The following PPFIBP1 variants were observed in gnomAD, a reference collection of about 807,000 sequenced individuals.
PPFIBP1 encodes the protein PPFIB scaffold protein 1, also known as liprin-beta-1.
Under a neutral mutation model 137.8 loss-of-function variants are expected in PPFIBP1, and 112 were observed. The observed-to-expected ratio is 0.81, with a 90% CI of 0.70 to 0.95. The LOEUF (loss-of-function observed/expected upper bound fraction) is 0.95. Among genes scored for constraint, PPFIBP1 ranks in the 40% least tolerant of loss-of-function variants. PPFIBP1 has a pLI of 0.00. For synonymous variants in PPFIBP1, 378 were observed against 417.3 expected, an observed-to-expected ratio of 0.91 and a Z score of 1.15; for missense variants, 1,083 against 1,196.6, an observed-to-expected ratio of 0.91 and a Z score of 1.40.
Position 27,578,183 on chromosome 12 carries a change from T to G in PPFIBP1, c.-92T>G, listed in dbSNP as rs1229514779. On this transcript the variant is annotated 5_prime_UTR_variant, in exon 2 of 30. Transcript: ENST00000228425. Reference sequence around the variant, plus strand: ...AGAACGTGTGGATCACTTTGCTGAGTACATCCAAGATTTGAAGAACTGAAA... The same window carrying G: ...AGAACGTGTGGATCACTTTGCTGAGGACATCCAAGATTTGAAGAACTGAAA... 3 of 152,174 alleles carry G rather than the reference T, an allele frequency of 2.0e-5. No homozygotes were observed. The highest frequency in any genetic ancestry group is 4.4e-5 in the Non-Finnish European group (3 of 68,026). The allele number at this position is 152,174 out of a possible 1,614,324, so 9.4% of individuals were successfully genotyped here. A position where few individuals can be genotyped will look rare whatever the true frequency, so the allele number is the denominator to read the frequency against.
chr12:27,658,667 C>T, intron 9 of PPFIBP1, 149 bp from the exon 10 acceptor site: 1 of 747,556 alleles, frequency 1.3e-6, no homozygotes, highest in Non-Finnish European at 2.3e-6. Flanking sequence ...ACTACCAATC[C>T]TGCAGTCACA....
intron 19 of PPFIBP1, among the ~76,000 whole-genome samples, chr12:27,679,123 T>C (rs2060731834): frequency 6.6e-6 from 1 of 151,006 alleles, no homozygotes; most frequent in Non-Finnish European, 1.5e-5. Flanking sequence ...TGTAGGAGAG[T>C]GGTCATGTCA....
rs1479245411 is a variant in PPFIBP1 at position 27,526,691 on chromosome 12, C to T, written c.-124+2326C>T. Among the ~76,000 whole-genome samples the T allele has an allele frequency of 3.3e-5, 5 of 151,950 alleles. No homozygotes were observed. The East Asian group carries it at 5.8e-4, about 18-fold the overall frequency. ...TCTACTAAAAATACAAAAAAATTGCCGGGTGTGGTGGTGGGCACCTGTAAT... is the reference window on the plus strand; with the variant it reads ...TCTACTAAAAATACAAAAAAATTGCTGGGTGTGGTGGTGGGCACCTGTAAT... On this transcript the variant is annotated intron_variant, in intron 1 of 29. Coordinates refer to ENST00000228425, the MANE Select transcript of PPFIBP1 (RefSeq NM_003622.4).
chr12:27,546,983 CAG>C lies in PPFIBP1; in HGVS notation c.-124+22621_-124+22622del, dbSNP rs1163734817. On this transcript the variant is annotated intron_variant, in intron 1 of 29. Coordinates refer to ENST00000228425, the MANE Select transcript of PPFIBP1 (RefSeq NM_003622.4). ...CACCACTGTACTCCAGCCTGGGAGA[CAG>C]AGTGAGACCCTGCCTCAAAAAACAA... The C allele has an allele frequency of 5.9e-5, 9 of 152,354 alleles. No individual in the cohort carries two copies. The South Asian group carries it at 1.7e-3, about 28-fold the overall frequency. 9.4% of individuals were successfully genotyped at this position (152,354 alleles called of 1,614,324 possible).
At chr12:27,664,515 C>A in intron 12 of PPFIBP1, 69 bp downstream of exon 12, 4 of 1,081,126 alleles carry the variant, frequency 3.7e-6, no homozygotes, top group Non-Finnish European at 5.6e-6. Flanking sequence ...ACACATTTGG[C>A]CTCAATTTCT....
intron 10 of PPFIBP1, 148 bp from the exon 11 acceptor site, chr12:27,660,736 T>C (rs769949521): frequency 5.9e-6 from 7 of 1,189,404 alleles, no homozygotes; most frequent in Non-Finnish European, 7.9e-6. Context: ...AAAGAGAATA[T>C]GGGTGTTAAA....
intron 2 of PPFIBP1, among the ~76,000 whole-genome samples, chr12:27,585,094 T>C (rs1370785230): frequency 6.6e-6 from 1 of 152,182 alleles, no homozygotes; most frequent in Non-Finnish European, 1.5e-5. Context: ...GACACAGAGG[T>C]TATGTATCAT....
chr12:27,688,775 T>G (rs1425877132), intron 26 of PPFIBP1, among the ~76,000 whole-genome samples: 1 of 152,172 alleles, frequency 6.6e-6, no homozygotes, highest in Non-Finnish European at 1.5e-5. Flanking sequence ...GGCAGAGCAC[T>G]GATATTGGGA....
intron 2 of PPFIBP1, among the ~76,000 whole-genome samples, chr12:27,609,655 T>C (rs569257755): frequency 1.2e-4 from 19 of 152,282 alleles, no homozygotes; most frequent in African/African-American, 4.6e-4. Flanking sequence ...CCCACTGTTT[T>C]TAGGATAATC....
intron 25 of PPFIBP1, 86 bp from the exon 26 acceptor site, chr12:27,688,209 GGTT>G: frequency 7.3e-7 from 1 of 1,370,912 alleles, no homozygotes; most frequent in Non-Finnish European, 9.9e-7. Flanking sequence ...GCATTTAGTG[GGTT>G]GTTGAGTAAC....
In PPFIBP1 at chr12:27,684,370, A is replaced by G. The variant is rs139359429; in HGVS notation, c.2247+1667A>G. Among the ~76,000 whole-genome samples, 589 of 152,234 alleles carry G rather than the reference A, an allele frequency of 3.9e-3. 24 individuals carry two copies. The East Asian group carries it at 0.094, about 24-fold the overall frequency. ...GAGATCCACCTGCCTCGGCCTCCCA[A>G]AGTGCTGGGATTACAGGCGTGAGCC... On this transcript the variant is annotated intron_variant, in intron 24 of 29. Coordinates refer to ENST00000228425, the MANE Select transcript of PPFIBP1 (RefSeq NM_003622.4).
intron 13 of PPFIBP1, among the ~76,000 whole-genome samples, chr12:27,669,588 T>C (rs899523577): frequency 3.3e-5 from 5 of 152,040 alleles, no homozygotes; most frequent in Admixed American, 1.3e-4. Flanking sequence ...ATCAAGAAAA[T>C]TGATCTGTTA....
At chr12:27,532,396 GTCAGT>G (rs1247252289) in intron 1 of PPFIBP1, among the ~76,000 whole-genome samples, 10 of 151,366 alleles carry the variant, frequency 6.6e-5, no homozygotes, top group African/African-American at 2.4e-4. Flanking sequence ...GTTTACATTT[GTCAGT>G]GCATGAAAAA....
intron 1 of PPFIBP1, among the ~76,000 whole-genome samples, chr12:27,550,885 G>A (rs1250203941): frequency 6.6e-6 from 1 of 151,596 alleles, no homozygotes; most frequent in East Asian, 1.9e-4. Flanking sequence ...TTGAAAGGGT[G>A]GCATTAATAA....
At chr12:27,617,099 T>G (rs1046116307) in intron 2 of PPFIBP1, among the ~76,000 whole-genome samples, 2 of 152,190 alleles carry the variant, frequency 1.3e-5, no homozygotes, top group African/African-American at 4.8e-5. Flanking sequence ...TATTATTCTT[T>G]AACGGAGGGC....
At chr12:27,543,887 T>TC (rs1286798737) in intron 1 of PPFIBP1, among the ~76,000 whole-genome samples, 4 of 145,806 alleles carry the variant, frequency 2.7e-5, no homozygotes, top group Non-Finnish European at 6.0e-5. Flanking sequence ...CTGCTTTTTT[T>TC]TTTTTTTTTT....
chr12:27,557,608 A>G (rs953467147), intron 1 of PPFIBP1, among the ~76,000 whole-genome samples: 2 of 152,218 alleles, frequency 1.3e-5, no homozygotes, highest in African/African-American at 4.8e-5. Flanking sequence ...CTAAAAGTCT[A>G]TAGAATGATA....
chr12:27,670,817 GAGTGTTGAA>G (rs985084194), intron 13 of PPFIBP1, among the ~76,000 whole-genome samples: 1 of 44,186 alleles, frequency 2.3e-5, no homozygotes, highest in Non-Finnish European at 5.6e-5. Context: ...AATAATAATA[GAGTGTTGAA>G]AGCAAAACGT....
At chr12:27,551,737 C>A (rs1946801612) in intron 1 of PPFIBP1, among the ~76,000 whole-genome samples, 1 of 152,090 alleles carries the variant, frequency 6.6e-6, no homozygotes, top group East Asian at 1.9e-4. Flanking sequence ...CGTCTTAATT[C>A]TTTTTACAGA....
Sources: gnomAD v4.1 joint callset for allele counts (sites outside exome capture counted in the v4.1 genomes callset) on GRCh38, gnomAD v4.1.1 for gene constraint, MANE v1.5 for transcripts, NCBI Gene and HGNC (gene_info 2026-07-23, HGNC 2026-07-21) for gene names.